The following PRTFDC1 variants were observed in gnomAD, a reference collection of about 807,000 sequenced individuals.
The protein encoded by PRTFDC1 is phosphoribosyltransferase domain-containing protein 1.
Under a neutral mutation model 34.6 loss-of-function variants are expected in PRTFDC1, and 38 were observed. That is an observed-to-expected ratio of 1.10 (90% confidence interval 0.85 to 1.44). PRTFDC1 has a LOEUF of 1.44. Among genes scored for constraint, PRTFDC1 ranks in the 40% most tolerant of loss-of-function variants. The pLI is 0.00. For synonymous variants in PRTFDC1, 93 were observed against 98.1 expected (o/e 0.95, Z 0.31); for missense variants, 270 against 283.0 (o/e 0.95, Z 0.33).
chr10:24,905,700 G>C (rs1040208128), intron 3 of PRTFDC1, among the ~76,000 whole-genome samples: 24 of 152,104 alleles, frequency 1.6e-4, no homozygotes, highest in African/African-American at 4.8e-4. Flanking sequence ...CTCAGTGATG[G>C]CACATTATCC....
At chr10:24,946,177 T>A (rs928497812) in intron 1 of PRTFDC1, among the ~76,000 whole-genome samples, 3 of 152,060 alleles carry the variant, frequency 2.0e-5, no homozygotes, top group South Asian at 2.1e-4. Context: ...TCTGGTTGAA[T>A]CTTGGAGCAT....
chr10:24,924,057 T>C (rs1213491989), intron 3 of PRTFDC1, among the ~76,000 whole-genome samples: 1 of 152,130 alleles, frequency 6.6e-6, no homozygotes, highest in Non-Finnish European at 1.5e-5. Flanking sequence ...ATATCAGTGA[T>C]TGAAGATCAA....
At chr10:24,918,606 G>A (rs1848732124) in intron 3 of PRTFDC1, among the ~76,000 whole-genome samples, 1 of 151,644 alleles carries the variant, frequency 6.6e-6, no homozygotes, top group Non-Finnish European at 1.5e-5. Context: ...GTAGAGACTA[G>A]GTCTCACTAT....
chr10:24,864,090 A>T (rs1002558783), intron 4 of PRTFDC1, among the ~76,000 whole-genome samples: 4 of 151,772 alleles, frequency 2.6e-5, no homozygotes, highest in African/African-American at 9.7e-5. Flanking sequence ...AAACTGAATT[A>T]GAAGTGGAGC....
At chr10:24,854,097 A>G (rs1485593432) in intron 7 of PRTFDC1, among the ~76,000 whole-genome samples, 1 of 152,212 alleles carries the variant, frequency 6.6e-6, no homozygotes, top group Non-Finnish European at 1.5e-5. Context: ...AGAATAGTGC[A>G]TGGCACATCA....
At chr10:24,855,136 G>A (rs1361016734) in intron 7 of PRTFDC1, among the ~76,000 whole-genome samples, 182 bp downstream of exon 7, 1 of 152,168 alleles carries the variant, frequency 6.6e-6, no homozygotes, top group African/African-American at 2.4e-5. Context: ...ATTTTGAAGG[G>A]TTCTGTTTTC....
In PRTFDC1 at chr10:24,883,818, C is replaced by CTT. The variant is rs71399940; in HGVS notation, c.340-11757_340-11756dup. On this transcript the variant is annotated intron_variant, in intron 3 of 8. Coordinates refer to ENST00000320152, the MANE Select transcript of PRTFDC1 (RefSeq NM_020200.7). ...TAGCGGTGATCATTTCTTAAGAGAC[C>CTT]TTTTTTTTTTTTTTTTTTTTTTATA... Among the ~76,000 whole-genome samples, 493 of 96,544 alleles carry CTT rather than the reference C, an allele frequency of 5.1e-3. 6 individuals carry two copies. The highest frequency in any genetic ancestry group is 0.016 in the Admixed American group (134 of 8,478). The allele number at this position is 96,544 out of a possible 152,430, so 63.3% of individuals were successfully genotyped here.
intron 1 of PRTFDC1, among the ~76,000 whole-genome samples, chr10:24,950,164 TCAA>T (rs889220191): frequency 6.6e-6 from 1 of 152,198 alleles, no homozygotes; most frequent in Non-Finnish European, 1.5e-5. Flanking sequence ...TTTTTAGACT[TCAA>T]CAATTTACCT....
At chr10:24,901,271 A>G (rs1222972116) in intron 3 of PRTFDC1, among the ~76,000 whole-genome samples, 1 of 152,152 alleles carries the variant, frequency 6.6e-6, no homozygotes, top group Non-Finnish European at 1.5e-5. Context: ...CAACTATGTA[A>G]GAAAGAAACT....
At chr10:24,872,788 G>A (rs867087531) in intron 3 of PRTFDC1, among the ~76,000 whole-genome samples, 48 of 83,216 alleles carry the variant, frequency 5.8e-4, no homozygotes, top group Admixed American at 1.5e-3. Context: ...GTGTGTGTGT[G>A]TATATATATA....
At chr10:24,872,541 C>G (rs549721307) in intron 3 of PRTFDC1, among the ~76,000 whole-genome samples, 3 of 151,938 alleles carry the variant, frequency 2.0e-5, no homozygotes, top group Non-Finnish European at 2.9e-5. Flanking sequence ...CATTGGAGAT[C>G]CAGCCCCTCA....
At chr10:24,857,675 A>G (rs1847605754) in intron 5 of PRTFDC1, among the ~76,000 whole-genome samples, 1 of 152,046 alleles carries the variant, frequency 6.6e-6, no homozygotes, top group African/African-American at 2.4e-5. Flanking sequence ...TAGAGGGTCT[A>G]CTCCATGGGT....
chr10:24,924,668 A>G (rs971538238), intron 3 of PRTFDC1, among the ~76,000 whole-genome samples: 2 of 152,196 alleles, frequency 1.3e-5, no homozygotes, highest in African/African-American at 4.8e-5. Flanking sequence ...ACATGAACAG[A>G]CACTTCTCAA....
intron 3 of PRTFDC1, among the ~76,000 whole-genome samples, chr10:24,931,600 T>A (rs1211158173): frequency 2.6e-5 from 4 of 152,030 alleles, no homozygotes; most frequent in Non-Finnish European, 4.4e-5. Context: ...AACAACTTTA[T>A]GTCCAGAAAT....
chr10:24,873,319 G>C (rs184630305), intron 3 of PRTFDC1, among the ~76,000 whole-genome samples: 220 of 152,228 alleles, frequency 1.4e-3, no homozygotes, highest in Non-Finnish European at 2.4e-3. Context: ...AACAGAACCA[G>C]CCACTTGTCT....
intron 2 of PRTFDC1, among the ~76,000 whole-genome samples, chr10:24,938,712 C>T (rs1849095150): frequency 6.6e-6 from 1 of 152,190 alleles, no homozygotes; most frequent in Non-Finnish European, 1.5e-5. Flanking sequence ...GTTCTTCATG[C>T]ATCTCAATTG....
Position 24,856,930 on chromosome 10 carries a change from G to GT in PRTFDC1, c.488dup (p.Asn163LysfsTer4). On this transcript the variant is annotated frameshift_variant, in exon 6 of 9. Transcript: ENST00000320152. LOFTEE classifies it high-confidence loss of function. The stretch of plus-strand genomic sequence containing the variant: ...CAACTCACCTGGCTACCTTAATCAT[G>GT]TTGGGCTTGTATTTCTCTATATTGC... 1 of 1,612,652 alleles carries GT rather than the reference G, an allele frequency of 6.2e-7. No homozygotes were observed. Among genetic ancestry groups the GT allele is most frequent in the Non-Finnish European group, 8.5e-7 (1 of 1,178,636 alleles).
At chr10:24,871,947 A>T (rs765461266) in intron 4 of PRTFDC1, 51 bp downstream of exon 4, 1 of 1,493,984 alleles carries the variant, frequency 6.7e-7, no homozygotes, top group Non-Finnish European at 9.3e-7. Context: ...AATGCAGGTC[A>T]CCGATGCCCC....
rs966411927 is a variant in PRTFDC1, at chr10:24,887,131, C to T, written c.340-15068G>A. Reference sequence around the variant, plus strand: ...GACTACAGGCGCCCGCCACCGCGCCCGGCTAATTTTTTGTATTTTTAGTAG... The same window carrying T: ...GACTACAGGCGCCCGCCACCGCGCCTGGCTAATTTTTTGTATTTTTAGTAG... On this transcript the variant is annotated intron_variant, in intron 3 of 8. Transcript: ENST00000320152. Among the ~76,000 whole-genome samples, 10 of 150,936 alleles carry T rather than the reference C, an allele frequency of 6.6e-5. No individual in the cohort carries two copies. In the East Asian group the frequency reaches 1.4e-3, roughly 21 times the overall value.
Sources: allele counts gnomAD v4.1 joint callset (sites outside exome capture counted in the v4.1 genomes callset), GRCh38; gene constraint gnomAD v4.1.1; transcripts MANE v1.5; gene names NCBI Gene and HGNC (gene_info 2026-07-23, HGNC 2026-07-21).